The following PLEKHA3 variants were observed in gnomAD, a reference collection of about 807,000 sequenced individuals.
PLEKHA3 encodes the protein pleckstrin homology domain containing A3, also known as pleckstrin homology domain-containing family A member 3.
In PLEKHA3, 19 loss-of-function variants were observed where a neutral mutation model predicts 39.2. The ratio of observed to expected loss-of-function variants is 0.48; its 90% confidence interval spans 0.34 to 0.71. The LOEUF (loss-of-function observed/expected upper bound fraction) is 0.71, where lower values mean the gene tolerates loss of function less well. Among genes scored for constraint, PLEKHA3 ranks in the 30% least tolerant of loss-of-function variants. The pLI is 0.01. For missense variants in PLEKHA3, 253 were observed against 359.5 expected, an observed-to-expected ratio of 0.70 and a Z score of 2.40; for synonymous variants, 97 against 118.6, an observed-to-expected ratio of 0.82 and a Z score of 1.18.
intron 2 of PLEKHA3, among the ~76,000 whole-genome samples, chr2:178,490,034 C>T (rs1430322845): frequency 1.3e-5 from 2 of 152,178 alleles, no homozygotes; most frequent in Non-Finnish European, 2.9e-5. Context: ...TGTTTTACAA[C>T]AAAGACTTGG....
chr2:178,482,552 C>CAAAA (rs557529546), intron 1 of PLEKHA3, among the ~76,000 whole-genome samples: 29 of 89,414 alleles, frequency 3.2e-4, no homozygotes, highest in Middle Eastern at 7.5e-3. Flanking sequence ...GATCCTGTCT[C>CAAAA]AAAAAAAAAA....
Position 178,493,836 on chromosome 2 carries a change from A to C in PLEKHA3, c.314-17A>C. 6.2e-7 allele frequency: 1 copy of C among 1,600,926 alleles called. No homozygotes were observed. The highest frequency in any genetic ancestry group is 8.5e-7 in the Non-Finnish European group (1 of 1,169,816). ...ATGAAAATGATCTAACTGTATATTTATGTATATTCTTTTCAGAAATAAGTG... is the reference window on the plus strand; with the variant it reads ...ATGAAAATGATCTAACTGTATATTTCTGTATATTCTTTTCAGAAATAAGTG... On this transcript the variant is annotated splice_polypyrimidine_tract_variant and intron_variant, in intron 3 of 7. Coordinates refer to ENST00000234453, the MANE Select transcript of PLEKHA3 (RefSeq NM_019091.4).
chr2:178,485,519 T>C, intron 1 of PLEKHA3, 122 bp from the exon 2 acceptor site: 1 of 691,286 alleles, frequency 1.4e-6, no homozygotes, highest in Non-Finnish European at 2.6e-6. Flanking sequence ...GAAAATTTCA[T>C]TATCGGAATG....
chr2:178,487,045 T>C (rs1685261919), intron 2 of PLEKHA3, among the ~76,000 whole-genome samples: 1 of 152,222 alleles, frequency 6.6e-6, no homozygotes, highest in Non-Finnish European at 1.5e-5. Context: ...GAAATTGGGC[T>C]CAACTCCAAG....
At chr2:178,483,622 C>T (rs963521371) in intron 1 of PLEKHA3, among the ~76,000 whole-genome samples, 3 of 152,186 alleles carry the variant, frequency 2.0e-5, no homozygotes, top group African/African-American at 7.2e-5. Context: ...GTCCTATAGG[C>T]ACACTAGACC....
chr2:178,480,887 CA>C lies in PLEKHA3; in HGVS notation c.20del (p.Lys7SerfsTer16). On this transcript the variant is annotated frameshift_variant, in exon 1 of 8. Transcript: ENST00000234453. LOFTEE classifies it high-confidence loss of function. MEGVLY[K>X]WTNYLTGWQP... ...TCTGAAGCATGGAGGGGGTGTTGTA[CA>C]AGTGGACCAACTATCTCACAGGTAT... is the stretch of plus-strand genomic sequence containing the variant. The C allele has an allele frequency of 7.6e-7, 1 of 1,314,312 alleles. No homozygotes were observed. Among genetic ancestry groups the C allele is most frequent in the East Asian group, 2.8e-5 (1 of 35,648 alleles). 81.4% of individuals were successfully genotyped at this position (1,314,312 alleles called of 1,614,324 possible). A position where few individuals can be genotyped will look rare whatever the true frequency, so the allele number is the denominator to read the frequency against.
At chr2:178,485,605 T>C (rs1301231271) in intron 1 of PLEKHA3, 36 bp from the exon 2 acceptor site, 25 of 1,339,268 alleles carry the variant, frequency 1.9e-5, no homozygotes, top group Non-Finnish European at 2.5e-5. Flanking sequence ...AGTAATGTGT[T>C]TCCAATTGAC....
intron 1 of PLEKHA3, 26 bp downstream of exon 1, chr2:178,480,935 A>T: frequency 7.8e-7 from 1 of 1,279,020 alleles, no homozygotes; most frequent in Non-Finnish European, 1.0e-6. Flanking sequence ...TGATGAGGGA[A>T]GAGGGGAGAG....
rs557097211 is a variant in PLEKHA3 at position 178,511,671 on chromosome 2, T to G, written c.*7784T>G. On this transcript the variant is annotated 3_prime_UTR_variant, in exon 8 of 8. Transcript: ENST00000234453. ...CAGGCGGGAGCCACCGTGCCCGACC[T>G]GACCTCTCCATCTTTGGCGTCCTTA... 1 of 151,980 alleles carries G rather than the reference T, an allele frequency of 6.6e-6. No individual in the cohort carries two copies. The highest frequency in any genetic ancestry group is 2.1e-4 in the South Asian group (1 of 4,792). 9.4% of individuals were successfully genotyped at this position (151,980 alleles called of 1,614,324 possible).
chr2:178,494,691 T>C (rs1265868099), intron 4 of PLEKHA3, among the ~76,000 whole-genome samples: 1 of 152,022 alleles, frequency 6.6e-6, no homozygotes, highest in Non-Finnish European at 1.5e-5. Flanking sequence ...TCAGTGACAG[T>C]ATTAGGGACC....
At position 178,503,973 on chromosome 2, in the gene PLEKHA3, C is replaced by A; in HGVS notation, c.*86C>A. 7.0e-7 allele frequency: 1 copy of A among 1,430,978 alleles called. No homozygotes were observed. Among genetic ancestry groups the A allele is most frequent in the Non-Finnish European group, 9.7e-7 (1 of 1,034,280 alleles). 88.6% of individuals were successfully genotyped at this position (1,430,978 alleles called of 1,614,324 possible). A position where few individuals can be genotyped will look rare whatever the true frequency, so the allele number is the denominator to read the frequency against. ...TATTGTTATAGGGAGTAGTTTTTTC[C>A]CTTAGGACTCTGCACTTTATAGAAT... On this transcript the variant is annotated 3_prime_UTR_variant, in exon 8 of 8. Transcript: ENST00000234453.
rs1439382356 is a variant in PLEKHA3, at chr2:178,505,468, A to G, written c.*1581A>G. On this transcript the variant is annotated 3_prime_UTR_variant, in exon 8 of 8. Coordinates refer to ENST00000234453, the MANE Select transcript of PLEKHA3 (RefSeq NM_019091.4). ...TATTCAGTGGAGTCTTTGCCTGCTC[A>G]TAAGTTGTACTTCATATGTCTAATT... is the stretch of plus-strand genomic sequence containing the variant. 1 of 151,882 alleles carries G rather than the reference A, an allele frequency of 6.6e-6. No homozygotes were observed. Among genetic ancestry groups the G allele is most frequent in the Non-Finnish European group, 1.5e-5 (1 of 67,860 alleles). The allele number at this position is 151,882 out of a possible 1,614,324, so 9.4% of individuals were successfully genotyped here. A position where few individuals can be genotyped will look rare whatever the true frequency, so the allele number is the denominator to read the frequency against.
rs151141828 is a variant in PLEKHA3, at chr2:178,493,501, C to A, written c.314-352C>A. Among the ~76,000 whole-genome samples, 122 of 152,084 alleles carry A rather than the reference C, an allele frequency of 8.0e-4. 2 individuals are homozygous for A. The highest frequency in any genetic ancestry group is 8.8e-5 in the Non-Finnish European group (6 of 67,992). ...GTTAAGAGAAAAACCAACATCAGAA[C>A]TGGAAAAAATGTATAAAGGACAAAA... On this transcript the variant is annotated intron_variant, in intron 3 of 7. Coordinates refer to ENST00000234453, the MANE Select transcript of PLEKHA3 (RefSeq NM_019091.4).
chr2:178,489,046 T>C, intron 2 of PLEKHA3: 1 of 423,204 alleles, frequency 2.4e-6, no homozygotes, highest in Non-Finnish European at 4.7e-6. Context: ...CTTATTTTAG[T>C]TTCATCTTGT....
At chr2:178,499,557 G>T (rs931385939) in intron 6 of PLEKHA3, among the ~76,000 whole-genome samples, 3 of 152,108 alleles carry the variant, frequency 2.0e-5, no homozygotes, top group African/African-American at 7.2e-5. Flanking sequence ...TTCCATCAAT[G>T]ATAGACTGCA....
chr2:178,506,137 A>G lies in PLEKHA3; in HGVS notation c.*2250A>G, dbSNP rs1685598079. On this transcript the variant is annotated 3_prime_UTR_variant, in exon 8 of 8. Coordinates refer to ENST00000234453, the MANE Select transcript of PLEKHA3 (RefSeq NM_019091.4). Reference sequence around the variant, plus strand: ...AATTCTGTAAGAATTTTAGCTTGTCAAGTTGTTCTATACTTTATAGAAAAA... The same window carrying G: ...AATTCTGTAAGAATTTTAGCTTGTCGAGTTGTTCTATACTTTATAGAAAAA... 6.6e-6 allele frequency: 1 copy of G among 152,158 alleles called. No individual in the cohort carries two copies. The highest frequency in any genetic ancestry group is 2.4e-5 in the African/African-American group (1 of 41,450). 9.4% of individuals were successfully genotyped at this position (152,158 alleles called of 1,614,324 possible).
chr2:178,491,619 A>G (rs1685348591), intron 3 of PLEKHA3, among the ~76,000 whole-genome samples: 1 of 152,256 alleles, frequency 6.6e-6, no homozygotes, highest in African/African-American at 2.4e-5. Flanking sequence ...AAAGCAAATG[A>G]TTTATGTTAT....
intron 3 of PLEKHA3, 94 bp downstream of exon 3, chr2:178,490,908 C>A: frequency 1.0e-6 from 1 of 965,020 alleles, no homozygotes; most frequent in Non-Finnish European, 1.5e-6. Flanking sequence ...GTATCTATCC[C>A]AAGGAAATAA....
intron 3 of PLEKHA3, among the ~76,000 whole-genome samples, chr2:178,492,955 GA>G (rs1220068349): frequency 4.0e-4 from 61 of 152,166 alleles, no homozygotes; most frequent in African/African-American, 1.4e-3. Context: ...AAAGGAGAAA[GA>G]ATAGGCTTAA....
Sources: allele counts gnomAD v4.1 joint callset (sites outside exome capture counted in the v4.1 genomes callset), GRCh38; gene constraint gnomAD v4.1.1; transcripts MANE v1.5; gene names NCBI Gene and HGNC (gene_info 2026-07-23, HGNC 2026-07-21).